Variants in JAKMIP3 observed in about 807,000 individuals in gnomAD.
JAKMIP3 encodes the protein janus kinase and microtubule-interacting protein 3.
In JAKMIP3, 58 loss-of-function variants were observed where a neutral mutation model predicts 118.5. That is an observed-to-expected ratio of 0.49 (90% CI 0.40 to 0.61). The LOEUF is 0.61. Ranked by LOEUF, JAKMIP3 falls within the 20% of genes least tolerant of loss-of-function variation. The probability of loss-of-function intolerance (pLI) is 0.00; values close to 1 mark genes in which losing one functional copy is unlikely to be tolerated. For synonymous variants in JAKMIP3, 486 were observed against 451.2 expected (o/e 1.08, Z -0.98); for missense variants, 950 against 1,109.0 (o/e 0.86, Z 2.04).
chr10:132,153,864 G>C (rs767310567), intron 18 of JAKMIP3, 37 bp downstream of exon 18: 1 of 1,612,816 alleles, frequency 6.2e-7, no homozygotes, highest in Non-Finnish European at 8.5e-7. Context: ...GCGGCTCGGT[G>C]CTGCAGGTGG....
At chr10:132,114,290 A>G (rs548318846) in intron 2 of JAKMIP3, among the ~76,000 whole-genome samples, 1 of 152,344 alleles carries the variant, frequency 6.6e-6, no homozygotes, top group Admixed American at 6.5e-5. Flanking sequence ...ATCACAGCTC[A>G]CTGCAGCCTC....
chr10:132,172,966 CCTCTCTCTCCTTCCCTCTCT>C (rs1351236908), intron 23 of JAKMIP3, among the ~76,000 whole-genome samples: 3 of 119,860 alleles, frequency 2.5e-5, no homozygotes, highest in Non-Finnish European at 3.4e-5. Flanking sequence ...TCTCTCCTTC[CCTCTCTCTCCTTCCCTCTCT>C]CTCTCTCTCC....
intron 1 of JAKMIP3, among the ~76,000 whole-genome samples, chr10:132,073,188 T>C (rs1475459784): frequency 6.6e-6 from 1 of 152,194 alleles, no homozygotes; most frequent in Non-Finnish European, 1.5e-5. Context: ...TCTTTTCTTT[T>C]CTTTTCCTTT....
intron 3 of JAKMIP3, among the ~76,000 whole-genome samples, chr10:132,127,896 C>T (rs1414733597): frequency 6.6e-6 from 1 of 152,158 alleles, no homozygotes; most frequent in African/African-American, 2.4e-5. Context: ...CCTTATAAGG[C>T]AATAGGTCAA....
intron 9 of JAKMIP3, among the ~76,000 whole-genome samples, 197 bp downstream of exon 9, chr10:132,138,375 CGCGTGTGTGGAGAGT>C (rs2052372819): frequency 9.0e-6 from 1 of 110,610 alleles, no homozygotes; most frequent in Non-Finnish European, 1.8e-5. Context: ...GGACCGCGCC[CGCGTGTGTGGAGAGT>C]ACGCCGGGTG....
chr10:132,184,592 T>A lies in JAKMIP3; in HGVS notation c.*3339T>A, dbSNP rs528162144. On this transcript the variant is annotated 3_prime_UTR_variant, in exon 24 of 24. Transcript: ENST00000684848. ...TCTTACGGCGGCATGCCAGGTAGTG[T>A]GTGTATTCTCCCAGGCACTCCCTTC... The A allele has an allele frequency of 4.6e-5, 7 of 152,342 alleles. No homozygotes were observed. In the East Asian group the frequency reaches 1.2e-3, roughly 25 times the overall value. 9.4% of individuals were successfully genotyped at this position (152,342 alleles called of 1,614,324 possible). A position where few individuals can be genotyped will look rare whatever the true frequency, so the allele number is the denominator to read the frequency against.
At chr10:132,069,115 C>T (rs559624583) in intron 1 of JAKMIP3, among the ~76,000 whole-genome samples, 4 of 152,164 alleles carry the variant, frequency 2.6e-5, no homozygotes, top group East Asian at 1.9e-4. Context: ...TTCCTGGGCA[C>T]GGAGCTTATT....
chr10:132,163,553 C>A, intron 20 of JAKMIP3, 141 bp downstream of exon 20: 1 of 719,488 alleles, frequency 1.4e-6, no homozygotes, highest in Non-Finnish European at 2.3e-6. Context: ...CCTCATAACA[C>A]ACACTCTGAT....
intron 1 of JAKMIP3, among the ~76,000 whole-genome samples, chr10:132,056,696 C>T (rs1255772485): frequency 6.6e-6 from 1 of 152,226 alleles, no homozygotes; most frequent in Non-Finnish European, 1.5e-5. Flanking sequence ...CCTCTGAAGT[C>T]CTCACAGTTG....
At chr10:132,109,259 T>C (rs1288614797) in intron 2 of JAKMIP3, among the ~76,000 whole-genome samples, 1 of 152,000 alleles carries the variant, frequency 6.6e-6, no homozygotes, top group Non-Finnish European at 1.5e-5. Context: ...GCCATGATTG[T>C]GCCACTGCAC....
At chr10:132,080,089 A>G (rs971429084) in intron 1 of JAKMIP3, among the ~76,000 whole-genome samples, 31 of 152,334 alleles carry the variant, frequency 2.0e-4, no homozygotes, top group African/African-American at 7.5e-4. Context: ...CTGACGCAGG[A>G]TAATTGCTTG....
intron 1 of JAKMIP3, among the ~76,000 whole-genome samples, chr10:132,068,869 C>T (rs551956889): frequency 2.2e-4 from 34 of 152,232 alleles, no homozygotes; most frequent in African/African-American, 7.9e-4. Flanking sequence ...AAACCCTCTC[C>T]TTGGCACAGA....
intron 19 of JAKMIP3, among the ~76,000 whole-genome samples, chr10:132,160,969 TGGGTGGGCCTCTCCCTGTGTGATGCTG>T (rs2058132461): frequency 2.2e-3 from 6 of 2,744 alleles, no homozygotes; most frequent in Admixed American, 5.4e-3. Flanking sequence ...TGTGTGATGC[TGGGTGGGCCTCTCCCTGTGTGATGCTG>T]GGGGGGGCCT....
At chr10:132,156,877 A>AT (rs544459747) in intron 19 of JAKMIP3, among the ~76,000 whole-genome samples, 6 of 152,004 alleles carry the variant, frequency 3.9e-5, no homozygotes, top group African/African-American at 1.5e-4. Flanking sequence ...TTAATATTGC[A>AT]TTTTTTTTCT....
upstream of JAKMIP3, among the ~76,000 whole-genome samples, chr10:132,065,076 C>T (rs368923998): frequency 1.3e-5 from 2 of 152,104 alleles, no homozygotes; most frequent in South Asian, 2.1e-4. This position sits in a 1 kb window ranked among gnomAD's most constrained non-coding sequence, Gnocchi z 5.6. Flanking sequence ...GCAGTCTCAG[C>T]GCAGGCCCTG....
rs1414592039 is a variant in JAKMIP3, at chr10:132,142,007, G to C, written c.1561G>C (p.Glu521Gln). Residue 521 changes from glutamate to glutamine, a missense_variant, in exon 11 of 24, where the codon GAG becomes CAG. Physicochemically the swap from Glu to Gln is conservative, Grantham distance 29 (BLOSUM62 2). Transcript: ENST00000684848. ...GCAGCGTGCCTACGCTTTGTTGCAGGAGCAGGTTGGAGGGACGCTGGACGC... is the reference window on the plus strand; with the variant it reads ...GCAGCGTGCCTACGCTTTGTTGCAGCAGCAGGTTGGAGGGACGCTGGACGC... ...ALQRAYALLQ[E>Q]QVGGTLDAER... 1 of 1,608,808 alleles carries C rather than the reference G, an allele frequency of 6.2e-7. No homozygotes were observed.
intron 1 of JAKMIP3, among the ~76,000 whole-genome samples, chr10:132,041,079 A>T (rs1245542894): frequency 6.6e-6 from 1 of 152,098 alleles, no homozygotes; most frequent in Non-Finnish European, 1.5e-5. Flanking sequence ...TTTGAGATGG[A>T]GTCTTGCTGC....
intron 3 of JAKMIP3, among the ~76,000 whole-genome samples, chr10:132,124,775 C>T (rs7083603): frequency 0.56 from 85,825 of 152,248 alleles, 25,324 homozygotes; most frequent in African/African-American, 0.75. Context: ...CGAGGGGAAT[C>T]GCAGTGTGGT....
intron 11 of JAKMIP3, among the ~76,000 whole-genome samples, chr10:132,142,982 C>A (rs2053850111): frequency 6.6e-6 from 1 of 152,186 alleles, no homozygotes; most frequent in Admixed American, 6.5e-5. Context: ...GTGGTCCACG[C>A]TAGTGCCCCA....
Sources: allele counts gnomAD v4.1 joint callset (sites outside exome capture counted in the v4.1 genomes callset), GRCh38; gene constraint gnomAD v4.1.1; non-coding constraint Gnocchi (gnomAD v3.1); transcripts MANE v1.5; gene names NCBI Gene and HGNC (gene_info 2026-07-23, HGNC 2026-07-21).